Variants in MPRIP observed in about 807,000 individuals in gnomAD.
MPRIP encodes the protein myosin phosphatase Rho-interacting protein.
Under a neutral mutation model 234.9 loss-of-function variants are expected in MPRIP, and 59 were observed. The observed-to-expected ratio is 0.25, with a 90% CI of 0.20 to 0.31. The LOEUF is 0.31. Ranked by LOEUF, MPRIP falls within the 10% of genes least tolerant of loss-of-function variation. The pLI, the probability that MPRIP is intolerant of heterozygous loss-of-function variation, is 1.00. For synonymous variants in MPRIP, 1,144 were observed against 1,263.9 expected, an observed-to-expected ratio of 0.91 and a Z score of 2.01; for missense variants, 2,436 against 3,071.0, an observed-to-expected ratio of 0.79 and a Z score of 4.89.
intron 3 of MPRIP, among the ~76,000 whole-genome samples, chr17:17,086,319 C>G (rs1387811692): frequency 1.3e-5 from 2 of 152,156 alleles, no homozygotes; most frequent in Non-Finnish European, 2.9e-5. Flanking sequence ...TTACCCCTGC[C>G]CTCCACCCGA....
intron 3 of MPRIP, among the ~76,000 whole-genome samples, chr17:17,126,329 A>G (rs1369461508): frequency 6.6e-6 from 1 of 151,968 alleles, no homozygotes; most frequent in Admixed American, 6.6e-5. Flanking sequence ...TAACCCTGCT[A>G]TTTTGAAACT....
intron 1 of MPRIP, among the ~76,000 whole-genome samples, chr17:17,060,344 T>A (rs1414886308): frequency 6.6e-6 from 1 of 152,240 alleles, no homozygotes; most frequent in African/African-American, 2.4e-5. Context: ...CCCCTACCCC[T>A]GGGAGCACAT....
At chr17:17,117,065 T>G (rs2090299586) in intron 3 of MPRIP, among the ~76,000 whole-genome samples, 1 of 152,182 alleles carries the variant, frequency 6.6e-6, no homozygotes, top group East Asian at 1.9e-4. Flanking sequence ...CCAGAGCTCC[T>G]CAGTCCACTG....
intron 3 of MPRIP, among the ~76,000 whole-genome samples, chr17:17,112,633 A>T (rs2090195814): frequency 1.3e-5 from 2 of 152,116 alleles, no homozygotes; most frequent in Non-Finnish European, 2.9e-5. Flanking sequence ...CCATGAACTG[A>T]GTTCCACTTA....
At chr17:17,182,477 A>G (rs1268518402) in intron 23 of MPRIP, 2 of 152,234 alleles carry the variant, frequency 1.3e-5, no homozygotes, top group African/African-American at 4.8e-5. Flanking sequence ...AGTGGAGACA[A>G]CAGCCTAGGG....
At chr17:17,051,006 C>A (rs151284247) in intron 1 of MPRIP, among the ~76,000 whole-genome samples, 225 of 152,372 alleles carry the variant, frequency 1.5e-3, no homozygotes, top group African/African-American at 5.1e-3. Context: ...GGCCTATGTT[C>A]TCTTCCTGAC....
At chr17:17,134,016 C>T (rs888418384) in intron 5 of MPRIP, among the ~76,000 whole-genome samples, 3 of 152,216 alleles carry the variant, frequency 2.0e-5, no homozygotes, top group African/African-American at 4.8e-5. Context: ...TCCTCCATCT[C>T]CCAGCCCCCC....
Position 17,175,298 on chromosome 17 carries a change from G to A in MPRIP, c.6756G>A (p.Leu2252=). 7 of 1,613,476 alleles carry A rather than the reference G, an allele frequency of 4.3e-6. No homozygotes were observed. Among genetic ancestry groups the A allele is most frequent in the Non-Finnish European group, 5.9e-6 (7 of 1,180,002 alleles). ...GTTGTGTTGCTGTCCCCCAGGAGCT[G>A]AACAACCGCCTGGCTGCAGAGATCA... The part of the protein sequence containing the change: ...NQELNAHNQE[L]NNRLAAEITR... Residue 2252 remains leucine, a synonymous_variant, in exon 20 of 24, where the codon CTG becomes CTA. Transcript: ENST00000651222.
Position 17,150,544 on chromosome 17 carries a change from G to C in MPRIP, c.1719+311G>C, listed in dbSNP as rs575077323. On this transcript the variant is annotated intron_variant, in intron 12 of 23. Transcript: ENST00000651222. ...GGAGTTGGGGCAATTGGAAGGATGT[G>C]GGGTATGGGGAATAAGAATGAAAGT... Among the ~76,000 whole-genome samples, 13 of 152,100 alleles carry C rather than the reference G, an allele frequency of 8.5e-5. No individual in the cohort carries two copies. The East Asian group carries it at 2.3e-3, about 27-fold the overall frequency.
chr17:17,157,839 AAAAC>A (rs2045763544), intron 13 of MPRIP, among the ~76,000 whole-genome samples: 1 of 152,202 alleles, frequency 6.6e-6, no homozygotes, highest in Non-Finnish European at 1.5e-5. Flanking sequence ...AAAAAAAAAA[AAAAC>A]AAAACATAGA....
intron 1 of MPRIP, among the ~76,000 whole-genome samples, chr17:17,053,435 A>G (rs553877762): frequency 1.3e-5 from 2 of 152,258 alleles, no homozygotes; most frequent in South Asian, 4.1e-4. Flanking sequence ...GTTTGTAAAT[A>G]CTGGGTTATA....
intron 4 of MPRIP, among the ~76,000 whole-genome samples, chr17:17,129,438 T>C (rs867407209): frequency 6.6e-6 from 1 of 152,254 alleles, no homozygotes; most frequent in Non-Finnish European, 1.5e-5. Context: ...AGACGCTTCC[T>C]ATTGGGCTTC....
chr17:17,142,669 G>A lies in MPRIP; in HGVS notation c.1293G>A (p.Glu431=). 6.2e-7 allele frequency: 1 copy of A among 1,612,072 alleles called. No homozygotes were observed. Residue 431 remains glutamate, a synonymous_variant, in exon 8 of 24, where the codon GAG becomes GAA. Coordinates refer to ENST00000651222, the MANE Select transcript of MPRIP (RefSeq NM_001364716.4). The part of the protein sequence containing the change: ...VIEKFEALDI[E]KAEHMETNAV... ...AAAAGTTTGAGGCCTTGGACATTGAGAAGGCAGAGCACATGGAGACCAATG... is the reference window on the plus strand; with the variant it reads ...AAAAGTTTGAGGCCTTGGACATTGAAAAGGCAGAGCACATGGAGACCAATG...
chr17:17,091,351 C>T (rs2089712034), intron 3 of MPRIP, among the ~76,000 whole-genome samples: 2 of 152,074 alleles, frequency 1.3e-5, no homozygotes, highest in Non-Finnish European at 2.9e-5. Flanking sequence ...AACTGAGACC[C>T]AGGGGGCAGG....
Position 17,165,701 on chromosome 17 carries a change from G to A in MPRIP, c.4110G>A (p.Leu1370=). Residue 1370 remains leucine (L), a synonymous_variant, in exon 16 of 24, where the codon CTG becomes CTA. Transcript: ENST00000651222. ...CCTCAGAGCCTGCACCCAGTGTACT[G>A]CCTGCAACTGGCGACTCTGACACGT... ...SMSSEPAPSV[L]PATGDSDTYL... 7.7e-7 allele frequency: 1 copy of A among 1,305,056 alleles called. No individual in the cohort carries two copies. Among genetic ancestry groups the A allele is most frequent in the Non-Finnish European group, 1.0e-6 (1 of 989,018 alleles). The allele number at this position is 1,305,056 out of a possible 1,614,324, so 80.8% of individuals were successfully genotyped here.
At position 17,115,629 on chromosome 17, in the gene MPRIP, G is replaced by A. The variant is rs758507195; in HGVS notation, c.268-11073G>A. On this transcript the variant is annotated intron_variant, in intron 3 of 23. Transcript: ENST00000651222. The stretch of plus-strand genomic sequence containing the variant: ...ACCACCAACACAATCTAATTTCAGA[G>A]CATTTTTCATCAACCCCCAAACAAA... Among the ~76,000 whole-genome samples, 31 of 152,158 alleles carry A rather than the reference G, an allele frequency of 2.0e-4. 1 individual carries two copies. Among genetic ancestry groups the A allele is most frequent in the Admixed American group, 8.5e-4 (13 of 15,280 alleles).
intron 19 of MPRIP, among the ~76,000 whole-genome samples, chr17:17,174,995 C>T (rs1245611797): frequency 6.6e-6 from 1 of 152,224 alleles, no homozygotes; most frequent in African/African-American, 2.4e-5. Context: ...CACCTGAGGC[C>T]TTCCCAAGGG....
In MPRIP at chr17:17,172,660, G is replaced by A. The variant is rs567271887; in HGVS notation, c.6473-38G>A. On this transcript the variant is annotated intron_variant, in intron 17 of 23. Transcript: ENST00000651222. ...CCCCACCCCTGTCAGCAGGAAGGGC[G>A]TGGTCCCTCGGTGCTGAGGCCGTGT... is the stretch of plus-strand genomic sequence containing the variant. 33 of 1,553,118 alleles carry A rather than the reference G, an allele frequency of 2.1e-5. No individual in the cohort carries two copies. In the Middle Eastern group the frequency reaches 7.0e-4, roughly 33 times the overall value.
intron 1 of MPRIP, among the ~76,000 whole-genome samples, chr17:17,069,120 G>T (rs1030833774): frequency 1.1e-4 from 17 of 152,076 alleles, no homozygotes; most frequent in African/African-American, 3.9e-4. Flanking sequence ...ATGTTTAAAG[G>T]TGCATGAACA....
Sources: gnomAD v4.1 joint callset for allele counts (sites outside exome capture counted in the v4.1 genomes callset) on GRCh38, gnomAD v4.1.1 for gene constraint, MANE v1.5 for transcripts, NCBI Gene and HGNC (gene_info 2026-07-23, HGNC 2026-07-21) for gene names.